SCGN: variants seen among roughly 807,000 people sequenced by gnomAD.
SCGN encodes the protein secretagogin.
Under a neutral mutation model 39.7 loss-of-function variants are expected in SCGN, and 30 were observed. That is an observed-to-expected ratio of 0.76 (90% CI 0.57 to 1.03). The LOEUF (loss-of-function observed/expected upper bound fraction) is 1.03, where lower values mean the gene tolerates loss of function less well. SCGN is among the 50% of genes least tolerant of loss of function. The probability of loss-of-function intolerance (pLI) is 0.00; values close to 1 mark genes in which losing one functional copy is unlikely to be tolerated. For synonymous variants in SCGN, 106 were observed against 114.1 expected (o/e 0.93, Z 0.45); for missense variants, 353 against 349.4 (o/e 1.01, Z -0.08).
chr6:25,666,287 C>T (rs534059927), intron 4 of SCGN, among the ~76,000 whole-genome samples: 30 of 151,800 alleles, frequency 2.0e-4, no homozygotes, highest in South Asian at 4.2e-4. Context: ...ACCCAGGAGG[C>T]GGAGTTGTAG....
chr6:25,653,445 G>A lies in SCGN; in HGVS notation c.146G>A (p.Gly49Asp). The A allele has an allele frequency of 1.9e-6, 3 of 1,611,906 alleles. No homozygotes were observed. Among genetic ancestry groups the A allele is most frequent in the East Asian group, 2.2e-5 (1 of 44,778 alleles). Residue 49 changes from glycine to aspartate, a missense_variant, in exon 2 of 11, where the codon GGT (glycine) becomes GAT (aspartate). Physicochemically the swap from Gly to Asp is moderately conservative, Grantham distance 94. Transcript: ENST00000377961. ...AFFLHMLMKLGTDDTVMKANL... is the reference protein window; with the variant it reads ...AFFLHMLMKLDTDDTVMKANL... ...TTTCTCCACATGTTGATGAAACTGG[G>A]TACTGATGTAAGTACTTGCACACTA...
intron 7 of SCGN, among the ~76,000 whole-genome samples, chr6:25,686,490 T>C (rs1759706231): frequency 6.6e-6 from 1 of 152,214 alleles, no homozygotes; most frequent in African/African-American, 2.4e-5. Flanking sequence ...AATTTGTATG[T>C]CTTCTTTGGA....
At chr6:25,654,401 C>T (rs1000237550) in intron 2 of SCGN, among the ~76,000 whole-genome samples, 4 of 152,188 alleles carry the variant, frequency 2.6e-5, no homozygotes, top group African/African-American at 9.7e-5. Flanking sequence ...CTTGGTCCCC[C>T]TCTACTTCTG....
chr6:25,684,956 T>C (rs539276638), intron 7 of SCGN, among the ~76,000 whole-genome samples: 3 of 152,322 alleles, frequency 2.0e-5, no homozygotes, highest in African/African-American at 7.2e-5. Context: ...TTCTGGATTA[T>C]CCACATTGGG....
In SCGN at chr6:25,701,263, C is replaced by T. The variant is rs770783170; in HGVS notation, c.759C>T (p.Cys253=). The T allele has an allele frequency of 1.3e-5, 21 of 1,613,560 alleles. No homozygotes were observed. The highest frequency in any genetic ancestry group is 2.7e-5 in the African/African-American group (2 of 74,878). The change falls in exon 11 of 11, where the codon TGC becomes TGT. Residue 253 remains cysteine, a synonymous_variant. Coordinates refer to ENST00000377961, the MANE Select transcript of SCGN (RefSeq NM_006998.4). ...DKFREILLRH[C]DVNKDGKIQK... is the part of the protein sequence containing the mutation. The stretch of plus-strand genomic sequence containing the variant: ...TCCGCGAGATTCTCCTGCGTCACTG[C>T]GACGTGAACAAGGATGGAAAAATTC...
intron 6 of SCGN, among the ~76,000 whole-genome samples, chr6:25,680,203 G>A (rs569858935): frequency 6.6e-6 from 1 of 152,188 alleles, no homozygotes; most frequent in South Asian, 2.1e-4. Context: ...TTCACTAAAG[G>A]TTATACTTGC....
In SCGN at chr6:25,669,501, T is replaced by G. The variant is rs369698079; in HGVS notation, c.337-10T>G. On this transcript the variant is annotated splice_polypyrimidine_tract_variant and intron_variant, in intron 4 of 10. Coordinates refer to ENST00000377961, the MANE Select transcript of SCGN (RefSeq NM_006998.4). Reference sequence around the variant, plus strand: ...AGGATAAATTAATTAGTGACTTTTGTGTATTTCAGATTTGGCGCAAATATG... The same window carrying G: ...AGGATAAATTAATTAGTGACTTTTGGGTATTTCAGATTTGGCGCAAATATG... The G allele has an allele frequency of 2.5e-6, 4 of 1,611,956 alleles. No individual in the cohort carries two copies. The highest frequency in any genetic ancestry group is 3.4e-6 in the Non-Finnish European group (4 of 1,178,166).
At chr6:25,659,534 A>G (rs1036771960) in intron 2 of SCGN, among the ~76,000 whole-genome samples, 7 of 152,134 alleles carry the variant, frequency 4.6e-5, no homozygotes, top group African/African-American at 7.2e-5. Flanking sequence ...AGGGTGCCAA[A>G]CATCCTCTGA....
chr6:25,689,126 G>C (rs773584540), intron 7 of SCGN, 46 bp from the exon 8 acceptor site: 337 of 1,379,496 alleles, frequency 2.4e-4, no homozygotes, highest in Non-Finnish European at 2.1e-4. Context: ...TCGTATAACT[G>C]AGAGCTGAAC....
intron 2 of SCGN, among the ~76,000 whole-genome samples, chr6:25,655,430 T>C (rs535945305): frequency 3.2e-4 from 49 of 152,298 alleles, no homozygotes; most frequent in Non-Finnish European, 1.9e-4. Context: ...AAGAGGGATG[T>C]CATCTCTTGC....
chr6:25,652,400 C>A lies in SCGN; in HGVS notation c.-4C>A. The A allele has an allele frequency of 6.2e-7, 1 of 1,614,070 alleles. No homozygotes were observed. On this transcript the variant is annotated 5_prime_UTR_variant, in exon 1 of 11. Coordinates refer to ENST00000377961, the MANE Select transcript of SCGN (RefSeq NM_006998.4). ...GCCGGTGCCTGGTCTTCGTCGTCAA[C>A]ACCATGGACAGCTCCCGGGAACCGA...
At chr6:25,665,989 G>A (rs932334198) in intron 4 of SCGN, among the ~76,000 whole-genome samples, 12 of 151,288 alleles carry the variant, frequency 7.9e-5, no homozygotes, top group Non-Finnish European at 1.8e-4. Flanking sequence ...AATTCAGTCA[G>A]GATCCTTTAA....
At chr6:25,665,239 G>A (rs1760406098) in intron 4 of SCGN, among the ~76,000 whole-genome samples, 1 of 152,132 alleles carries the variant, frequency 6.6e-6, no homozygotes, top group Non-Finnish European at 1.5e-5. Flanking sequence ...GTGCTCCTGA[G>A]CTGACAGGCT....
chr6:25,700,177 G>C (rs1561772071), intron 10 of SCGN, among the ~76,000 whole-genome samples: 1 of 147,316 alleles, frequency 6.8e-6, no homozygotes, highest in Non-Finnish European at 1.5e-5. Context: ...CCCGGGAGAC[G>C]GTAGTTGCAG....
At chr6:25,689,359 G>C (rs1391220229) in intron 8 of SCGN, 114 bp from the exon 9 acceptor site, 1 of 1,174,156 alleles carries the variant, frequency 8.5e-7, no homozygotes, top group Non-Finnish European at 1.3e-6. Flanking sequence ...ATGGAATCAA[G>C]GGATCTTAAA....
intron 10 of SCGN, among the ~76,000 whole-genome samples, chr6:25,694,805 T>C (rs1351596332): frequency 6.6e-6 from 1 of 152,260 alleles, no homozygotes; most frequent in East Asian, 1.9e-4. Context: ...AGTCAAAGGA[T>C]GGCCAGTAGT....
At chr6:25,689,296 G>A in intron 8 of SCGN, 79 bp downstream of exon 8, 1 of 1,235,524 alleles carries the variant, frequency 8.1e-7, no homozygotes, top group Admixed American at 2.0e-5. Flanking sequence ...AAGAAAGGAA[G>A]GCATCTATTT....
At chr6:25,666,227 G>C (rs1243684003) in intron 4 of SCGN, among the ~76,000 whole-genome samples, 1 of 151,324 alleles carries the variant, frequency 6.6e-6, no homozygotes, top group South Asian at 2.1e-4. Flanking sequence ...ATGGTGGTGG[G>C]CACCTGTAAT....
chr6:25,669,001 T>C (rs1207008418), intron 4 of SCGN, among the ~76,000 whole-genome samples: 2 of 151,532 alleles, frequency 1.3e-5, no homozygotes, highest in African/African-American at 4.9e-5. Flanking sequence ...GTCCCAGCTA[T>C]TAGGGAGGCT....
Sources: allele counts gnomAD v4.1 joint callset (sites outside exome capture counted in the v4.1 genomes callset), GRCh38; gene constraint gnomAD v4.1.1; transcripts MANE v1.5; gene names NCBI Gene and HGNC (gene_info 2026-07-23, HGNC 2026-07-21).